The following TMED8 variants were observed in gnomAD, a reference collection of about 807,000 sequenced individuals.
TMED8 encodes protein TMED8.
In TMED8, 15 loss-of-function variants were observed where a neutral mutation model predicts 32.7. The observed-to-expected ratio is 0.46, with a 90% confidence interval of 0.31 to 0.71. The LOEUF is 0.71. Among genes scored for constraint, TMED8 ranks in the 30% least tolerant of loss-of-function variants. The pLI is 0.06. For missense variants in TMED8, 390 were observed against 423.9 expected (o/e 0.92, Z 0.70); for synonymous variants, 147 against 161.4 (o/e 0.91, Z 0.68).
intron 1 of TMED8, among the ~76,000 whole-genome samples, chr14:77,362,496 A>T (rs1351541668): frequency 6.6e-6 from 1 of 152,232 alleles, no homozygotes; most frequent in African/African-American, 2.4e-5. Context: ...AATAATAAAG[A>T]GAAAGGAATC....
rs1441444396 is a variant in TMED8 at position 77,343,401 on chromosome 14, C to A, written c.537G>T (p.Lys179Asn). The change falls in exon 5 of 6, where the codon AAG becomes AAT. Residue 179 changes from lysine to asparagine, a missense_variant. Coordinates refer to ENST00000216468, the MANE Select transcript of TMED8 (RefSeq NM_213601.3). The stretch of plus-strand genomic sequence containing the variant: ...CACGCTTCACCACCAGACGGCTGTT[C>A]TTCTCTTTGCCCAGCTTGCTTTTGA... ...KEFKSKLGKEKNSRLVVKRGE... is the reference protein window; with the variant it reads ...KEFKSKLGKENNSRLVVKRGE... 2 of 1,614,078 alleles carry A rather than the reference C, an allele frequency of 1.2e-6. No homozygotes were observed. The highest frequency in any genetic ancestry group is 8.5e-7 in the Non-Finnish European group (1 of 1,179,954).
At chr14:77,351,451 C>CG (rs1407187164) in intron 2 of TMED8, among the ~76,000 whole-genome samples, 1 of 108,136 alleles carries the variant, frequency 9.2e-6, no homozygotes, top group Non-Finnish European at 1.8e-5. Context: ...TTAGTAGAGA[C>CG]GGGGTTTCAC....
At chr14:77,342,682 C>T (rs1333719026) in intron 5 of TMED8, among the ~76,000 whole-genome samples, 2 of 152,138 alleles carry the variant, frequency 1.3e-5, no homozygotes, top group East Asian at 1.9e-4. Flanking sequence ...GAATGGAGCC[C>T]GGAGACCCTT....
chr14:77,350,258 G>A (rs368258468), intron 2 of TMED8, among the ~76,000 whole-genome samples: 2 of 152,134 alleles, frequency 1.3e-5, no homozygotes, highest in East Asian at 1.9e-4. Context: ...TACAGTTGAC[G>A]GCAACTTAAG....
chr14:77,350,712 C>T (rs1412358381), intron 2 of TMED8, among the ~76,000 whole-genome samples: 1 of 152,108 alleles, frequency 6.6e-6, no homozygotes, highest in East Asian at 1.9e-4. Context: ...ACTCACAAGG[C>T]TGAGATGGGA....
chr14:77,358,960 T>A (rs192052481), intron 1 of TMED8, among the ~76,000 whole-genome samples: 1 of 152,196 alleles, frequency 6.6e-6, no homozygotes, highest in Non-Finnish European at 1.5e-5. Context: ...CAGGCTGGAG[T>A]ACAGTGGTGC....
chr14:77,365,269 G>A (rs1893527049), intron 1 of TMED8, among the ~76,000 whole-genome samples: 1 of 152,144 alleles, frequency 6.6e-6, no homozygotes, highest in Non-Finnish European at 1.5e-5. Flanking sequence ...TCCATGTAGG[G>A]AATATACAGT....
intron 1 of TMED8, among the ~76,000 whole-genome samples, chr14:77,357,890 G>A (rs1461086202): frequency 1.3e-5 from 2 of 152,144 alleles, no homozygotes; most frequent in Non-Finnish European, 2.9e-5. Context: ...TTGGGAGGCT[G>A]AGGCAGGTGG....
rs1447779936 is a variant in TMED8, at chr14:77,370,033, G to A, written c.118+6903C>T. The stretch of plus-strand genomic sequence containing the variant: ...CTAAAAATACAAAAATTAGCCGGGC[G>A]TGGTGGCACATGCCTGTAATCCCAG... On this transcript the variant is annotated intron_variant, in intron 1 of 5. Coordinates refer to ENST00000216468, the MANE Select transcript of TMED8 (RefSeq NM_213601.3). Among the ~76,000 whole-genome samples the A allele has an allele frequency of 3.3e-5, 5 of 152,134 alleles. No homozygotes were observed. The South Asian group carries it at 6.2e-4, about 19-fold the overall frequency.
intron 1 of TMED8, among the ~76,000 whole-genome samples, chr14:77,374,191 T>A (rs1302599671): frequency 1.3e-5 from 2 of 152,202 alleles, no homozygotes; most frequent in African/African-American, 4.8e-5. Context: ...TAGAGCTCTA[T>A]TGCTTACTCA....
chr14:77,375,576 C>T (rs1161099731), intron 1 of TMED8, among the ~76,000 whole-genome samples: 1 of 151,592 alleles, frequency 6.6e-6, no homozygotes, highest in East Asian at 1.9e-4. Flanking sequence ...AAGCAGAGTT[C>T]GTAAGAAAAA....
intron 1 of TMED8, among the ~76,000 whole-genome samples, chr14:77,365,523 G>A (rs78247097): frequency 0.014 from 2,179 of 152,330 alleles, 27 homozygotes; most frequent in Non-Finnish European, 0.024. Flanking sequence ...AAAGGGCACT[G>A]CAGGCAAAGG....
intron 1 of TMED8, among the ~76,000 whole-genome samples, chr14:77,353,174 C>G (rs1248243307): frequency 6.6e-6 from 1 of 152,184 alleles, no homozygotes; most frequent in Middle Eastern, 3.2e-3. Context: ...ATTCATTTAG[C>G]CTTTCCTTGA....
rs906306884 is a variant in TMED8 at position 77,346,489 on chromosome 14, A to T, written c.198-11T>A. The T allele has an allele frequency of 6.2e-7, 1 of 1,613,882 alleles. No homozygotes were observed. Among genetic ancestry groups the T allele is most frequent in the Non-Finnish European group, 8.5e-7 (1 of 1,179,996 alleles). On this transcript the variant is annotated splice_polypyrimidine_tract_variant and intron_variant, in intron 2 of 5. Coordinates refer to ENST00000216468, the MANE Select transcript of TMED8 (RefSeq NM_213601.3). ...GATACCATCTGTGGCCTCTCAGAGGAAGAGAGCATGTTAATTCAAGGACTC... is the reference window on the plus strand; with the variant it reads ...GATACCATCTGTGGCCTCTCAGAGGTAGAGAGCATGTTAATTCAAGGACTC...
intron 1 of TMED8, among the ~76,000 whole-genome samples, chr14:77,356,540 A>G (rs1038798024): frequency 2.0e-5 from 3 of 152,200 alleles, no homozygotes; most frequent in African/African-American, 7.2e-5. Flanking sequence ...TCACCAACAG[A>G]TTATTTCAAA....
At chr14:77,343,558 C>G in intron 4 of TMED8, 75 bp from the exon 5 acceptor site, 1 of 1,581,902 alleles carries the variant, frequency 6.3e-7, no homozygotes, top group Non-Finnish European at 8.6e-7. Context: ...CTAAGAGAGG[C>G]TGGCACAGTC....
chr14:77,350,968 A>G (rs1893161483), intron 2 of TMED8, among the ~76,000 whole-genome samples: 1 of 152,232 alleles, frequency 6.6e-6, no homozygotes, highest in Admixed American at 6.5e-5. Context: ...AAGCCACATA[A>G]AGGAAAAGCC....
chr14:77,353,142 A>C (rs1893216796), intron 1 of TMED8, among the ~76,000 whole-genome samples: 1 of 152,220 alleles, frequency 6.6e-6, no homozygotes, highest in Non-Finnish European at 1.5e-5. Flanking sequence ...TAACCATCAG[A>C]TGCTACTTAG....
rs137933758 is a variant in TMED8, at chr14:77,343,186, T to C, written c.752A>G (p.Glu251Gly). ...GTTAAAATTAAATTTACCTTCAATC[T>C]CTTCCTCCTCTTCCTCTTCTTCATC... The part of the protein sequence containing the change: ...DEDEEEEEEE[E>G]IEEPVPAGDV... Residue 251 changes from glutamate to glycine, a missense_variant, in exon 5 of 6, where the codon GAG (glutamate) becomes GGG (glycine). Coordinates refer to ENST00000216468, the MANE Select transcript of TMED8 (RefSeq NM_213601.3). The C allele has an allele frequency of 3.5e-5, 57 of 1,612,134 alleles. No individual in the cohort carries two copies. The South Asian group carries it at 4.4e-4, about 12-fold the overall frequency.
Sources: gnomAD v4.1 joint callset for allele counts (sites outside exome capture counted in the v4.1 genomes callset) on GRCh38, gnomAD v4.1.1 for gene constraint, MANE v1.5 for transcripts, NCBI Gene and HGNC (gene_info 2026-07-23, HGNC 2026-07-21) for gene names.